TICAM1: variants seen among roughly 807,000 people sequenced by gnomAD.
The protein encoded by TICAM1 is TIR domain-containing adapter molecule 1.
For missense variants in TICAM1, 895 were observed against 938.2 expected (o/e 0.95, Z 0.60); for synonymous variants, 439 against 415.4 (o/e 1.06, Z -0.69).
At chr19:4,824,329 AT>A (rs1213088504) in intron 1 of TICAM1, among the ~76,000 whole-genome samples, 127 of 107,390 alleles carry the variant, frequency 1.2e-3, no homozygotes, top group Middle Eastern at 0.013. Flanking sequence ...CTTTTATCCA[AT>A]TTTTTTTTTT....
Position 4,818,442 on chromosome 19 carries a change from C to T in TICAM1, c.-65G>A, listed in dbSNP as rs559864976. ...GGTGGTGAAGGCATGTTCCACACTG[C>T]CCCCCGCCTTCTGCACGCCCAGTGT... On this transcript the variant is annotated 5_prime_UTR_variant, in exon 2 of 2. Transcript: ENST00000248244. This position sits in a 1 kb window ranked among gnomAD's most constrained non-coding sequence, Gnocchi z 4.0. 2.3e-5 allele frequency: 35 copies of T among 1,498,136 alleles called. No homozygotes were observed. In the African/African-American group the frequency reaches 3.9e-4, roughly 17 times the overall value. The allele number at this position is 1,498,136 out of a possible 1,614,324, so 92.8% of individuals were successfully genotyped here. A position where few individuals can be genotyped will look rare whatever the true frequency, so the allele number is the denominator to read the frequency against.
At chr19:4,819,811 G>A (rs958886404) in intron 1 of TICAM1, among the ~76,000 whole-genome samples, 3 of 151,976 alleles carry the variant, frequency 2.0e-5, no homozygotes, top group African/African-American at 7.3e-5. Flanking sequence ...GGAGGCAGAG[G>A]TTGCAGTGAG....
intron 1 of TICAM1, among the ~76,000 whole-genome samples, chr19:4,826,791 C>A (rs1301028167): frequency 1.3e-5 from 2 of 152,038 alleles, no homozygotes; most frequent in Non-Finnish European, 2.9e-5. Flanking sequence ...GGATTGGAAC[C>A]CAGGCTGTCT....
In TICAM1 at chr19:4,824,384, G is replaced by GAGTGCAGTGACGC. The variant is rs575429610; in HGVS notation, c.-139-5881_-139-5869dup. Among the ~76,000 whole-genome samples, 1,271 of 147,422 alleles carry GAGTGCAGTGACGC rather than the reference G, an allele frequency of 8.6e-3. 17 individuals carry two copies. Among genetic ancestry groups the GAGTGCAGTGACGC allele is most frequent in the African/African-American group, 0.031 (1,206 of 39,316 alleles). ...GAGTCTCGCTCTGTCATCCAGGCCG[G>GAGTGCAGTGACGC]AGTGCAGTGACGCAATCTCAGCTCA... On this transcript the variant is annotated intron_variant, in intron 1 of 1. Coordinates refer to ENST00000248244, the MANE Select transcript of TICAM1 (RefSeq NM_182919.4).
At chr19:4,821,519 T>C (rs2093597413) in intron 1 of TICAM1, among the ~76,000 whole-genome samples, 1 of 152,114 alleles carries the variant, frequency 6.6e-6, no homozygotes. Context: ...TCTGCCTATA[T>C]CTCTGTTACC....
At position 4,828,573 on chromosome 19, in the gene TICAM1, G is replaced by A. The variant is rs553156962; in HGVS notation, c.-140+3041C>T. On this transcript the variant is annotated intron_variant, in intron 1 of 1. Coordinates refer to ENST00000248244, the MANE Select transcript of TICAM1 (RefSeq NM_182919.4). ...TTTTGAGACGGAGTCCCACTTTGTCGCCCAGGCTGGAGTGCAGTGGTGCGA... is the reference window on the plus strand; with the variant it reads ...TTTTGAGACGGAGTCCCACTTTGTCACCCAGGCTGGAGTGCAGTGGTGCGA... Among the ~76,000 whole-genome samples, 64 of 141,666 alleles carry A rather than the reference G, an allele frequency of 4.5e-4. No individual in the cohort carries two copies. The South Asian group carries it at 7.1e-3, about 16-fold the overall frequency. 92.9% of individuals were successfully genotyped at this position (141,666 alleles called of 152,430 possible). A position where few individuals can be genotyped will look rare whatever the true frequency, so the allele number is the denominator to read the frequency against.
At position 4,817,075 on chromosome 19, in the gene TICAM1, C is replaced by G. The variant is rs1302225605; in HGVS notation, c.1303G>C (p.Gly435Arg). 1 of 1,614,104 alleles carries G rather than the reference C, an allele frequency of 6.2e-7. No homozygotes were observed. The change falls in exon 2 of 2, where the codon GGG (glycine) becomes CGG (arginine). Residue 435 changes from glycine to arginine, a missense_variant. Gly to Arg is a moderately radical substitution (Grantham distance 125, BLOSUM62 -2). Transcript: ENST00000248244. This position sits in a 1 kb window ranked among gnomAD's most constrained non-coding sequence, Gnocchi z 4.7. ...ATFCEDFQVP[G>R]RGELSCLQDA... The stretch of plus-strand genomic sequence containing the variant: ...TGCAGGCAGCTCAGCTCCCCGCGCC[C>G]CGGCACCTGGAAATCCTCGCAGAAG...
intron 1 of TICAM1, among the ~76,000 whole-genome samples, chr19:4,826,438 C>G (rs2093605554): frequency 6.6e-6 from 1 of 152,064 alleles, no homozygotes; most frequent in African/African-American, 2.4e-5. Flanking sequence ...GATTCTCTTG[C>G]CTCAGCCTTC....
intron 1 of TICAM1, among the ~76,000 whole-genome samples, chr19:4,826,784 T>C (rs1046060891): frequency 3.3e-5 from 5 of 152,102 alleles, no homozygotes; most frequent in Non-Finnish European, 5.9e-5. Context: ...TACAGCTGGA[T>C]TGGAACCCAG....
At chr19:4,820,216 C>T (rs572137535) in intron 1 of TICAM1, among the ~76,000 whole-genome samples, 31 of 151,558 alleles carry the variant, frequency 2.0e-4, no homozygotes, top group Admixed American at 6.6e-4. Context: ...ATCAGGAGGT[C>T]GAGACCAGCC....
In TICAM1 at chr19:4,827,532, G is replaced by A. The variant is rs558751119; in HGVS notation, c.-140+4082C>T. Among the ~76,000 whole-genome samples, 1,304 of 152,010 alleles carry A rather than the reference G, an allele frequency of 8.6e-3. 8 individuals carry two copies. Among genetic ancestry groups the A allele is most frequent in the Middle Eastern group, 0.017 (5 of 292 alleles). ...GCAGCACTTTGGGAGGCCGAGGCGG[G>A]CAGATCACGAGGTCAGGAGATCGAG... On this transcript the variant is annotated intron_variant, in intron 1 of 1. Transcript: ENST00000248244.
Position 4,818,149 on chromosome 19 carries a change from A to G in TICAM1, c.229T>C (p.Trp77Arg). 1 of 1,609,590 alleles carries G rather than the reference A, an allele frequency of 6.2e-7. No individual in the cohort carries two copies. Residue 77 changes from tryptophan (W) to arginine (R), a missense_variant, in exon 2 of 2, where the codon TGG (tryptophan) becomes CGG (arginine). Physicochemically the swap from Trp to Arg is moderately radical, Grantham distance 101. Coordinates refer to ENST00000248244, the MANE Select transcript of TICAM1 (RefSeq NM_182919.4). This position sits in a 1 kb window ranked among gnomAD's most constrained non-coding sequence, Gnocchi z 4.0. ...TCCTCGGTGCTGTCCACGCCAGCCC[A>G]CTGGCGGGCCACCAGCCGGGCCACC... ...DAVARLVARQ[W>R]AGVDSTEDPE...
chr19:4,828,730 A>C, intron 1 of TICAM1, among the ~76,000 whole-genome samples: 1 of 125,838 alleles, frequency 7.9e-6, no homozygotes. Flanking sequence ...CTGAGACCGA[A>C]TCTCCCTCTG....
chr19:4,821,010 G>A (rs899260700), intron 1 of TICAM1, among the ~76,000 whole-genome samples: 1 of 146,856 alleles, frequency 6.8e-6, no homozygotes, highest in Non-Finnish European at 1.5e-5. Context: ...TGGTCAACAC[G>A]GTGAAACTCC....
Position 4,818,523 on chromosome 19 carries a change from G to C in TICAM1, c.-139-7C>G. The C allele has an allele frequency of 7.1e-7, 1 of 1,411,308 alleles. No homozygotes were observed. Among genetic ancestry groups the C allele is most frequent in the South Asian group, 1.7e-5 (1 of 59,740 alleles). 87.4% of individuals were successfully genotyped at this position (1,411,308 alleles called of 1,614,324 possible). A position where few individuals can be genotyped will look rare whatever the true frequency, so the allele number is the denominator to read the frequency against. On this transcript the variant is annotated splice_region_variant and splice_polypyrimidine_tract_variant and intron_variant, in intron 1 of 1. Coordinates refer to ENST00000248244, the MANE Select transcript of TICAM1 (RefSeq NM_182919.4). The surrounding 1 kb of genome is among the most constrained non-coding windows in gnomAD (Gnocchi z 4.0). ...AGGAGCTGCCCAAGCAGATCTGTAG[G>C]AAACAGGAGAAGCAAACACACTTAC...
At chr19:4,830,922 G>A (rs1479150216) in intron 1 of TICAM1, among the ~76,000 whole-genome samples, 1 of 152,218 alleles carries the variant, frequency 6.6e-6, no homozygotes, top group Non-Finnish European at 1.5e-5. Flanking sequence ...TGCGCCTGGT[G>A]AGCTGGAGGA....
intron 1 of TICAM1, among the ~76,000 whole-genome samples, chr19:4,827,876 C>A (rs1391399086): frequency 6.6e-6 from 1 of 151,994 alleles, no homozygotes; most frequent in African/African-American, 2.4e-5. Flanking sequence ...CCGTTAAGTT[C>A]GATGATCCAC....
Position 4,817,132 on chromosome 19 carries a change from G to C in TICAM1, c.1246C>G (p.Leu416Val), listed in dbSNP as rs201008382. Reference sequence around the variant, plus strand: ...CCGTCGGGCACGCCAAGGGCCTCCAGCTTCTCCCGAACCCGCAGGGCGATG... The same window carrying C: ...CCGTCGGGCACGCCAAGGGCCTCCACCTTCTCCCGAACCCGCAGGGCGATG... Reference protein sequence around the residue: ...EHIALRVREKLEALGVPDGAT... With the variant: ...EHIALRVREKVEALGVPDGAT... The change falls in exon 2 of 2, where the codon CTG becomes GTG. Residue 416 changes from leucine to valine, a missense_variant. Transcript: ENST00000248244. This position sits in a 1 kb window ranked among gnomAD's most constrained non-coding sequence, Gnocchi z 4.7. 6.2e-7 allele frequency: 1 copy of C among 1,614,066 alleles called. No homozygotes were observed. Among genetic ancestry groups the C allele is most frequent in the African/African-American group, 1.3e-5 (1 of 74,944 alleles).
At position 4,818,051 on chromosome 19, in the gene TICAM1, G is replaced by A. The variant is rs1241968631; in HGVS notation, c.327C>T (p.Cys109=). ...LYHLLAEEKL[C]PASLRDVAYQ... ...AGGCCACGTCCCGCAGCGAGGCGGG[G>A]CACAGCTTCTCCTCAGCCAGCAGGT... The change falls in exon 2 of 2, where the codon TGC becomes TGT. Residue 109 remains cysteine (C), a synonymous_variant. Coordinates refer to ENST00000248244, the MANE Select transcript of TICAM1 (RefSeq NM_182919.4). This position sits in a 1 kb window ranked among gnomAD's most constrained non-coding sequence, Gnocchi z 4.0. The A allele has an allele frequency of 4.4e-6, 7 of 1,608,236 alleles. No homozygotes were observed. The highest frequency in any genetic ancestry group is 5.1e-6 in the Non-Finnish European group (6 of 1,179,902).
Sources: gnomAD v4.1 joint callset for allele counts (sites outside exome capture counted in the v4.1 genomes callset) on GRCh38, gnomAD v4.1.1 for gene constraint, Gnocchi (gnomAD v3.1) non-coding constraint, MANE v1.5 for transcripts, NCBI Gene and HGNC (gene_info 2026-07-23, HGNC 2026-07-21) for gene names.